MSL2: variants seen among roughly 807,000 people sequenced by gnomAD.
The protein encoded by MSL2 is E3 ubiquitin-protein ligase MSL2.
A neutral mutation model predicts 35.8 loss-of-function variants in MSL2; 2 were observed. The ratio of observed to expected loss-of-function variants is 0.06; its 90% CI spans 0.02 to 0.18. The LOEUF (loss-of-function observed/expected upper bound fraction) is 0.18. Ranked by LOEUF, MSL2 falls within the 10% of genes least tolerant of loss-of-function variation. The pLI is 1.00. For missense variants in MSL2, 523 were observed against 706.7 expected (o/e 0.74, Z 2.95); for synonymous variants, 296 against 255.7 (o/e 1.16, Z -1.50).
chr3:136,182,345 T>C (rs1278380700), intron 1 of MSL2, among the ~76,000 whole-genome samples: 2 of 152,190 alleles, frequency 1.3e-5, no homozygotes, highest in African/African-American at 2.4e-5. Context: ...CAGACAAAAT[T>C]GGAATAATCA....
intron 1 of MSL2, among the ~76,000 whole-genome samples, chr3:136,159,306 T>C (rs1378739164): frequency 6.6e-6 from 1 of 151,762 alleles, no homozygotes; most frequent in East Asian, 1.9e-4. Flanking sequence ...TCAACCAATT[T>C]GTGCGACAGG....
chr3:136,164,567 GAGTC>G (rs1345292087), intron 1 of MSL2, among the ~76,000 whole-genome samples: 4 of 152,206 alleles, frequency 2.6e-5, no homozygotes, highest in Non-Finnish European at 5.9e-5. Context: ...AAATAGAAAA[GAGTC>G]ATTCAGGAGC....
chr3:136,165,870 G>A (rs906399802), intron 1 of MSL2, among the ~76,000 whole-genome samples: 2 of 152,072 alleles, frequency 1.3e-5, no homozygotes, highest in African/African-American at 4.8e-5. Context: ...AAAGTTAAGA[G>A]TATAATGGGA....
rs760708879 is a variant in MSL2 at position 136,176,343 on chromosome 3, G to GT, written c.142+18628dup. Among the ~76,000 whole-genome samples, 7 of 151,726 alleles carry GT rather than the reference G, an allele frequency of 4.6e-5. No individual in the cohort carries two copies. The East Asian group carries it at 1.2e-3, about 25-fold the overall frequency. Reference sequence around the variant, plus strand: ...AGCCTGGGCAACACAGCAAAACCCCGTCTCTACTAAAAATACAAAAAATTA... The same window carrying GT: ...AGCCTGGGCAACACAGCAAAACCCCGTTCTCTACTAAAAATACAAAAAATTA... On this transcript the variant is annotated intron_variant, in intron 1 of 1. Transcript: ENST00000309993.
chr3:136,194,186 G>A (rs1306205190), intron 1 of MSL2, among the ~76,000 whole-genome samples: 1 of 152,156 alleles, frequency 6.6e-6, no homozygotes, highest in African/African-American at 2.4e-5. Context: ...CGAAAAGCAA[G>A]TAATTATTAC....
At chr3:136,194,497 G>A (rs902992202) in intron 1 of MSL2, 7 of 978,890 alleles carry the variant, frequency 7.2e-6, no homozygotes, top group Non-Finnish European at 8.5e-6. Flanking sequence ...GTTCCGCGCC[G>A]GGTTCTCCAG....
At chr3:136,181,254 A>C (rs1003155265) in intron 1 of MSL2, among the ~76,000 whole-genome samples, 16 of 152,162 alleles carry the variant, frequency 1.1e-4, no homozygotes, top group Non-Finnish European at 5.9e-5. Flanking sequence ...TAATTTTCTT[A>C]ATGCTTCTTG....
At chr3:136,173,211 A>G (rs1940077961) in intron 1 of MSL2, among the ~76,000 whole-genome samples, 1 of 152,184 alleles carries the variant, frequency 6.6e-6, no homozygotes, top group South Asian at 2.1e-4. Flanking sequence ...ACTTCTTTCT[A>G]GAGTGATTGC....
chr3:136,180,732 G>A (rs1940315462), intron 1 of MSL2, among the ~76,000 whole-genome samples: 1 of 131,982 alleles, frequency 7.6e-6, no homozygotes, highest in African/African-American at 2.8e-5. Context: ...GAAAAGAAAA[G>A]AAGAGGAGGA....
chr3:136,173,426 G>C (rs947189890), intron 1 of MSL2, among the ~76,000 whole-genome samples: 1 of 151,962 alleles, frequency 6.6e-6, no homozygotes, highest in Non-Finnish European at 1.5e-5. Flanking sequence ...CTAAAAGCCT[G>C]GTCTTCCTCC....
Position 136,195,370 on chromosome 3 carries a change from C to G in MSL2, c.-257G>C. Reference sequence around the variant, plus strand: ...AGAGAAACCAGCGTTCGAGTTCGTCCGGAGCGACCACAGAGCGCAGAACGC... The same window carrying G: ...AGAGAAACCAGCGTTCGAGTTCGTCGGGAGCGACCACAGAGCGCAGAACGC... On this transcript the variant is annotated 5_prime_UTR_variant, in exon 1 of 2. Coordinates refer to ENST00000309993, the MANE Select transcript of MSL2 (RefSeq NM_018133.4). The G allele has an allele frequency of 3.3e-6, 4 of 1,229,890 alleles. No individual in the cohort carries two copies. Among genetic ancestry groups the G allele is most frequent in the Non-Finnish European group, 4.1e-6 (4 of 981,942 alleles). The allele number at this position is 1,229,890 out of a possible 1,614,324, so 76.2% of individuals were successfully genotyped here.
chr3:136,167,629 A>T (rs557847269), intron 1 of MSL2, among the ~76,000 whole-genome samples: 1 of 152,342 alleles, frequency 6.6e-6, no homozygotes, highest in Admixed American at 6.5e-5. Flanking sequence ...ACTCACATGA[A>T]TATCATGAAA....
At chr3:136,159,708 A>C (rs760171237) in intron 1 of MSL2, among the ~76,000 whole-genome samples, 1 of 151,924 alleles carries the variant, frequency 6.6e-6, no homozygotes, top group Non-Finnish European at 1.5e-5. Flanking sequence ...AAACAATTTG[A>C]TATCCAAATG....
intron 1 of MSL2, among the ~76,000 whole-genome samples, chr3:136,154,301 AACC>A (rs1419167155): frequency 6.6e-6 from 1 of 152,212 alleles, no homozygotes; most frequent in Non-Finnish European, 1.5e-5. Context: ...TTTAATTATA[AACC>A]ACAAGTATCC....
rs1345467499 is a variant in MSL2 at position 136,151,122 on chromosome 3, G to T, written c.*25C>A. The stretch of plus-strand genomic sequence containing the variant: ...AAAACTGTAGCTATTTCCCTACCAG[G>T]AGTAGGTTTAAAAGACCCACTGATT... On this transcript the variant is annotated 3_prime_UTR_variant, in exon 2 of 2. Coordinates refer to ENST00000309993, the MANE Select transcript of MSL2 (RefSeq NM_018133.4). The surrounding 1 kb of genome is among the most constrained non-coding windows in gnomAD (Gnocchi z 5.2). The T allele has an allele frequency of 3.1e-6, 5 of 1,597,446 alleles. No individual in the cohort carries two copies. The highest frequency in any genetic ancestry group is 1.1e-5 in the South Asian group (1 of 90,100).
chr3:136,151,639 A>C lies in MSL2; in HGVS notation c.1242T>G (p.His414Gln). The stretch of plus-strand genomic sequence containing the variant: ...TTTTAGAGTGAGATTTCTTGGATCC[A>C]TGTTCATGACTCTTTTTCATGCTTT... Reference protein sequence around the residue: ...STKSMKKSHEHGSKKSHSKTK... With the variant: ...STKSMKKSHEQGSKKSHSKTK... Residue 414 changes from histidine to glutamine, a missense_variant, in exon 2 of 2, where the codon CAT becomes CAG. This residue lies in a region of MSL2 where 361 missense variants were observed against 414.6 expected (regional missense o/e 0.87). Coordinates refer to ENST00000309993, the MANE Select transcript of MSL2 (RefSeq NM_018133.4). The surrounding 1 kb of genome is among the most constrained non-coding windows in gnomAD (Gnocchi z 5.2). The C allele has an allele frequency of 6.2e-7, 1 of 1,614,168 alleles. No homozygotes were observed. The highest frequency in any genetic ancestry group is 1.7e-5 in the Admixed American group (1 of 60,022).
At chr3:136,175,083 C>T (rs971785705) in intron 1 of MSL2, among the ~76,000 whole-genome samples, 68 of 152,116 alleles carry the variant, frequency 4.5e-4, no homozygotes, top group African/African-American at 1.0e-3. Flanking sequence ...TGGTGGCTCA[C>T]GCCTATAATC....
At chr3:136,164,057 T>G (rs1939776996) in intron 1 of MSL2, among the ~76,000 whole-genome samples, 1 of 152,204 alleles carries the variant, frequency 6.6e-6, no homozygotes, top group African/African-American at 2.4e-5. Flanking sequence ...ACATCTAAAA[T>G]GTTCAAATCT....
At chr3:136,155,022 A>C (rs1939479079) in intron 1 of MSL2, among the ~76,000 whole-genome samples, 1 of 152,114 alleles carries the variant, frequency 6.6e-6, no homozygotes, top group Non-Finnish European at 1.5e-5. Flanking sequence ...ATCCTGGCCA[A>C]CATGGTGAAA....
Sources: gnomAD v4.1 joint callset for allele counts (sites outside exome capture counted in the v4.1 genomes callset) on GRCh38, gnomAD v4.1.1 for gene constraint, gnomAD v4.1.1 regional missense constraint, Gnocchi (gnomAD v3.1) non-coding constraint, MANE v1.5 for transcripts, NCBI Gene and HGNC (gene_info 2026-07-23, HGNC 2026-07-21) for gene names.